THSD4: variants seen among roughly 807,000 people sequenced by gnomAD.
THSD4 encodes thrombospondin type 1 domain containing 4.
THSD4 carries 69 observed loss-of-function variants against 119.0 expected under a neutral mutation model. That is an observed-to-expected ratio of 0.58 (90% CI 0.48 to 0.71). The LOEUF is 0.71. THSD4 is among the 30% of genes least tolerant of loss of function. THSD4 has a pLI of 0.00. For synonymous variants in THSD4, 524 were observed against 540.4 expected (o/e 0.97, Z 0.42); for missense variants, 1,393 against 1,391.1 (o/e 1.00, Z -0.02).
intron 6 of THSD4, among the ~76,000 whole-genome samples, chr15:71,267,056 G>A (rs8037316): frequency 0.99 from 150,472 of 152,244 alleles, 74,380 homozygotes; most frequent in Middle Eastern, 1. Context: ...ATTATCCAGG[G>A]GAACTTCCCC....
At chr15:71,718,395 T>C (rs2052650440) in intron 8 of THSD4, among the ~76,000 whole-genome samples, 1 of 152,168 alleles carries the variant, frequency 6.6e-6, no homozygotes, top group South Asian at 2.1e-4. Context: ...GAGGGGAGCG[T>C]GGCCTGAGAT....
At chr15:71,329,452 T>C (rs1397209955) in intron 6 of THSD4, among the ~76,000 whole-genome samples, 1 of 152,204 alleles carries the variant, frequency 6.6e-6, no homozygotes, top group African/African-American at 2.4e-5. Flanking sequence ...AAGGTTCTTT[T>C]AGGGAAACCT....
At chr15:71,141,382 A>C in intron 1 of THSD4, 67 bp from the exon 2 acceptor site, 1 of 845,460 alleles carries the variant, frequency 1.2e-6, no homozygotes, top group Non-Finnish European at 1.8e-6. Flanking sequence ...GGTTTTGTTG[A>C]CCGAGTTACG....
chr15:71,683,746 G>T (rs1475711291), intron 8 of THSD4, among the ~76,000 whole-genome samples: 1 of 152,136 alleles, frequency 6.6e-6, no homozygotes, highest in Non-Finnish European at 1.5e-5. Flanking sequence ...AGGCCGAGCC[G>T]AACGGCCTAC....
At chr15:71,511,260 G>C (rs142773578) in intron 7 of THSD4, among the ~76,000 whole-genome samples, 1 of 152,162 alleles carries the variant, frequency 6.6e-6, no homozygotes, top group Non-Finnish European at 1.5e-5. Context: ...CAGACATTTG[G>C]TATTGGACTG....
intron 7 of THSD4, among the ~76,000 whole-genome samples, chr15:71,614,744 T>A (rs187835974): frequency 1.3e-5 from 2 of 151,950 alleles, no homozygotes; most frequent in Non-Finnish European, 2.9e-5. Context: ...AGATTCTGAG[T>A]GGAGATGAAG....
chr15:71,521,009 T>G (rs2048432468), intron 7 of THSD4, among the ~76,000 whole-genome samples: 1 of 152,212 alleles, frequency 6.6e-6, no homozygotes, highest in East Asian at 1.9e-4. Flanking sequence ...GTGACCATAC[T>G]GATGTTGAAA....
At chr15:71,261,057 G>A (rs1421960267) in intron 6 of THSD4, among the ~76,000 whole-genome samples, 2 of 152,156 alleles carry the variant, frequency 1.3e-5, no homozygotes, top group African/African-American at 4.8e-5. Flanking sequence ...AGCCGAGATG[G>A]CACCATTGCA....
At chr15:71,165,462 G>A (rs1205308853) in intron 3 of THSD4, 53 of 1,346,956 alleles carry the variant, frequency 3.9e-5, no homozygotes, top group South Asian at 2.7e-4. Context: ...CCCAGTGCCC[G>A]TCCGGCTCTC....
At chr15:71,772,452 C>A (rs1006461310) in intron 17 of THSD4, among the ~76,000 whole-genome samples, 1 of 152,030 alleles carries the variant, frequency 6.6e-6, no homozygotes, top group Non-Finnish European at 1.5e-5. Flanking sequence ...GTAAGAAAGC[C>A]TTGCTATAGA....
At chr15:71,552,466 A>G (rs1044207605) in intron 7 of THSD4, among the ~76,000 whole-genome samples, 3 of 152,236 alleles carry the variant, frequency 2.0e-5, no homozygotes, top group Admixed American at 6.5e-5. Flanking sequence ...TGAAGGGTCA[A>G]TGTAATGACC....
intron 6 of THSD4, among the ~76,000 whole-genome samples, chr15:71,343,504 A>G (rs1342867690): frequency 3.3e-5 from 5 of 151,772 alleles, no homozygotes; most frequent in South Asian, 4.2e-4. Flanking sequence ...CTGAGGGTGA[A>G]TCCTCACTTT....
chr15:71,735,242 A>G (rs2053059659), intron 10 of THSD4, among the ~76,000 whole-genome samples: 2 of 152,080 alleles, frequency 1.3e-5, no homozygotes, highest in Admixed American at 1.3e-4. Flanking sequence ...TGGGGCCTTC[A>G]GGTTAGGGCT....
intron 7 of THSD4, among the ~76,000 whole-genome samples, chr15:71,653,330 A>G (rs966563835): frequency 6.6e-6 from 1 of 152,130 alleles, no homozygotes; most frequent in Admixed American, 6.5e-5. Context: ...CTGTGGAACT[A>G]CCATCATTTT....
At chr15:71,318,795 A>G (rs1423442339) in intron 6 of THSD4, among the ~76,000 whole-genome samples, 1 of 152,206 alleles carries the variant, frequency 6.6e-6, no homozygotes, top group Non-Finnish European at 1.5e-5. Flanking sequence ...TACCTGAAGA[A>G]GAGTCAGATG....
rs922674294 is a variant in THSD4 at position 71,748,282 on chromosome 15, T to C, written c.2242-139T>C. ...GTTGTGGAGTTTTCTAGGGCTCAGA[T>C]CCCTGCCCCAGCTGGTGACATGCAT... is the stretch of plus-strand genomic sequence containing the variant. On this transcript the variant is annotated intron_variant, in intron 13 of 17. Transcript: ENST00000261862. 18 of 1,035,804 alleles carry C rather than the reference T, an allele frequency of 1.7e-5. No homozygotes were observed. The Admixed American group carries it at 2.1e-4, about 12-fold the overall frequency. 64.2% of individuals were successfully genotyped at this position (1,035,804 alleles called of 1,614,324 possible).
At chr15:71,132,524 G>A (rs1230138265) in intron 1 of THSD4, among the ~76,000 whole-genome samples, 1 of 152,214 alleles carries the variant, frequency 6.6e-6, no homozygotes, top group African/African-American at 2.4e-5. Context: ...ACATCAAAAG[G>A]TTTAATGGTG....
intron 3 of THSD4, among the ~76,000 whole-genome samples, chr15:71,204,922 A>G (rs2043831249): frequency 6.6e-6 from 1 of 152,092 alleles, no homozygotes; most frequent in African/African-American, 2.4e-5. Flanking sequence ...AGGGTAATAA[A>G]ATCATGTGGC....
chr15:71,750,400 CTCTGCGGTGTAAGATGCCCCT>C (rs2053426413), intron 14 of THSD4, among the ~76,000 whole-genome samples: 1 of 152,190 alleles, frequency 6.6e-6, no homozygotes, highest in African/African-American at 2.4e-5. Flanking sequence ...TTTTCTCTCC[CTCTGCGGTGTAAGATGCCCCT>C]TCATTTTGTC....
Sources: gnomAD v4.1 joint callset for allele counts (sites outside exome capture counted in the v4.1 genomes callset) on GRCh38, gnomAD v4.1.1 for gene constraint, MANE v1.5 for transcripts, NCBI Gene and HGNC (gene_info 2026-07-23, HGNC 2026-07-21) for gene names.